Variants in LARGE1 observed in about 807,000 individuals in gnomAD.
The protein encoded by LARGE1 is xylosyl- and glucuronyltransferase LARGE1.
In LARGE1, 43 loss-of-function variants were observed where a neutral mutation model predicts 87.6. That is an observed-to-expected ratio of 0.49 (90% CI 0.38 to 0.63). The LOEUF (loss-of-function observed/expected upper bound fraction) is 0.63, where lower values mean the gene tolerates loss of function less well. Among genes scored for constraint, LARGE1 ranks in the 30% least tolerant of loss-of-function variants. The pLI, the probability that LARGE1 is intolerant of heterozygous loss-of-function variation, is 0.00. For missense variants in LARGE1, 802 were observed against 1,000.2 expected, an observed-to-expected ratio of 0.80 and a Z score of 2.67; for synonymous variants, 434 against 394.6, an observed-to-expected ratio of 1.10 and a Z score of -1.18.
intron 6 of LARGE1, among the ~76,000 whole-genome samples, chr22:33,560,341 T>C (rs1458623260): frequency 6.6e-6 from 1 of 152,158 alleles, no homozygotes; most frequent in East Asian, 1.9e-4. Context: ...TGATACCCAG[T>C]GGCATGGCAC....
intron 5 of LARGE1, among the ~76,000 whole-genome samples, chr22:33,579,586 C>T (rs964914350): frequency 6.6e-6 from 1 of 152,148 alleles, no homozygotes; most frequent in African/African-American, 2.4e-5. Context: ...AGCCCCAGCC[C>T]AGGGCTGGCC....
intron 7 of LARGE1, among the ~76,000 whole-genome samples, chr22:33,421,319 C>T (rs1461024026): frequency 6.6e-6 from 1 of 152,158 alleles, no homozygotes; most frequent in Non-Finnish European, 1.5e-5. Context: ...AAAACATTAA[C>T]TCCTTTTCTC....
At chr22:33,600,550 T>C (rs2079086460) in intron 5 of LARGE1, among the ~76,000 whole-genome samples, 1 of 152,160 alleles carries the variant, frequency 6.6e-6, no homozygotes, top group African/African-American at 2.4e-5. Flanking sequence ...TACACGTAAC[T>C]TTAGCAAAAG....
At chr22:33,265,914 A>G (rs1927907842) in intron 11 of LARGE1, among the ~76,000 whole-genome samples, 1 of 152,168 alleles carries the variant, frequency 6.6e-6, no homozygotes, top group Non-Finnish European at 1.5e-5. Flanking sequence ...ACAGAGTCAG[A>G]CTTTCCTGAG....
At chr22:33,877,695 G>A (rs1440499770) in intron 1 of LARGE1, among the ~76,000 whole-genome samples, 1 of 152,064 alleles carries the variant, frequency 6.6e-6, no homozygotes, top group African/African-American at 2.4e-5. Context: ...GGCTGAGGTG[G>A]GGGGATCACT....
At chr22:33,842,407 T>A (rs1263471497) in intron 1 of LARGE1, among the ~76,000 whole-genome samples, 1 of 143,464 alleles carries the variant, frequency 7.0e-6, no homozygotes, top group East Asian at 2.3e-4. Context: ...ATAACATATT[T>A]CTTCGGATTT....
chr22:33,740,251 C>G (rs1297635996), intron 2 of LARGE1, among the ~76,000 whole-genome samples: 1 of 152,136 alleles, frequency 6.6e-6, no homozygotes, highest in Non-Finnish European at 1.5e-5. Context: ...TCTTGGATGT[C>G]CCCAGATACT....
chr22:33,766,836 T>C (rs765810027), intron 1 of LARGE1, among the ~76,000 whole-genome samples: 10 of 150,832 alleles, frequency 6.6e-5, no homozygotes, highest in Non-Finnish European at 1.3e-4. Context: ...AAATAACCTA[T>C]ATACCTATAT....
intron 5 of LARGE1, among the ~76,000 whole-genome samples, chr22:33,566,644 G>C (rs1429453235): frequency 1.3e-5 from 2 of 152,224 alleles, no homozygotes; most frequent in Non-Finnish European, 2.9e-5. Context: ...AGCCGAGAGG[G>C]ATGCCGCTGC....
chr22:33,217,036 T>C (rs1925238737), intron 11 of LARGE1, among the ~76,000 whole-genome samples: 1 of 152,172 alleles, frequency 6.6e-6, no homozygotes, highest in African/African-American at 2.4e-5. Context: ...TTGGCAAGAA[T>C]GTGGAACAAT....
intron 1 of LARGE1, among the ~76,000 whole-genome samples, chr22:33,789,245 T>A (rs979635727): frequency 6.6e-6 from 1 of 152,246 alleles, no homozygotes; most frequent in African/African-American, 2.4e-5. Flanking sequence ...GGTGCAAGGC[T>A]GAAGCCTTGG....
At chr22:33,659,282 TAACATA>T (rs922226566) in intron 2 of LARGE1, among the ~76,000 whole-genome samples, 1 of 152,210 alleles carries the variant, frequency 6.6e-6, no homozygotes, top group African/African-American at 2.4e-5. Context: ...TCCTTTTAAT[TAACATA>T]AAGATTTCAC....
chr22:33,509,748 A>C (rs2070962559), intron 6 of LARGE1, among the ~76,000 whole-genome samples: 1 of 152,192 alleles, frequency 6.6e-6, no homozygotes, highest in African/African-American at 2.4e-5. Context: ...CATTGCGTCC[A>C]AGATTTTATA....
At chr22:33,424,097 G>A (rs796830286) in intron 7 of LARGE1, among the ~76,000 whole-genome samples, 21 of 152,232 alleles carry the variant, frequency 1.4e-4, no homozygotes, top group African/African-American at 4.3e-4. Flanking sequence ...AGTAACCATC[G>A]GAATCAAGTA....
At chr22:33,846,418 T>C (rs2063430985) in intron 1 of LARGE1, among the ~76,000 whole-genome samples, 1 of 152,210 alleles carries the variant, frequency 6.6e-6, no homozygotes, top group Non-Finnish European at 1.5e-5. Flanking sequence ...GGAGGATGTA[T>C]GTCGCCTCAG....
chr22:33,115,999 T>C, the LARGE1 span, among the ~76,000 whole-genome samples: 1 of 152,066 alleles, frequency 6.6e-6, no homozygotes, highest in Non-Finnish European at 1.5e-5. Flanking sequence ...ACTTCTGTTG[T>C]TTAAGTCATG....
At chr22:33,556,953 C>T (rs1424150757) in intron 6 of LARGE1, among the ~76,000 whole-genome samples, 1 of 152,160 alleles carries the variant, frequency 6.6e-6, no homozygotes, top group African/African-American at 2.4e-5. Context: ...TTGCAGTGAG[C>T]TGACATTGTG....
intron 5 of LARGE1, among the ~76,000 whole-genome samples, chr22:33,585,022 C>T (rs2078629296): frequency 6.6e-6 from 1 of 152,132 alleles, no homozygotes; most frequent in Non-Finnish European, 1.5e-5. Flanking sequence ...GAGGCTGAGG[C>T]ATGAGAATAG....
chr22:33,747,359 CTT>C (rs1189211253), intron 2 of LARGE1, among the ~76,000 whole-genome samples: 1 of 152,076 alleles, frequency 6.6e-6, no homozygotes, highest in African/African-American at 2.4e-5. Context: ...CTTCTCCTCT[CTT>C]CTCTTTCTCT....
Sources: allele counts gnomAD v4.1 joint callset (sites outside exome capture counted in the v4.1 genomes callset), GRCh38; gene constraint gnomAD v4.1.1; transcripts MANE v1.5; gene names NCBI Gene and HGNC (gene_info 2026-07-23, HGNC 2026-07-21).